Variants in PCDH15 observed in about 807,000 individuals in gnomAD.
PCDH15 encodes protocadherin-15.
PCDH15 carries 129 observed loss-of-function variants against 178.5 expected under a neutral mutation model. That is an observed-to-expected ratio of 0.72 (90% CI 0.63 to 0.84). The LOEUF is 0.84. Ranked by LOEUF, PCDH15 falls within the 40% of genes least tolerant of loss-of-function variation. The pLI is 0.00. For synonymous variants in PCDH15, 800 were observed against 732.0 expected (o/e 1.09, Z -1.50); for missense variants, 2,230 against 2,099.9 (o/e 1.06, Z -1.21).
intron 1 of PCDH15, among the ~76,000 whole-genome samples, chr10:54,759,197 A>T (rs544548177): frequency 1.3e-5 from 2 of 152,322 alleles, no homozygotes; most frequent in African/African-American, 4.8e-5. Flanking sequence ...TATAATAAAG[A>T]ATGTGACATG....
At chr10:54,265,869 C>T (rs934096638) in intron 8 of PCDH15, among the ~76,000 whole-genome samples, 10 of 151,822 alleles carry the variant, frequency 6.6e-5, no homozygotes, top group Non-Finnish European at 1.0e-4. Context: ...ATAGATTTAT[C>T]GAGGCAGAAA....
intron 3 of PCDH15, among the ~76,000 whole-genome samples, chr10:54,877,936 CTCTTTTT>C (rs1954177551): frequency 2.9e-5 from 3 of 104,322 alleles, no homozygotes; most frequent in Non-Finnish European, 4.0e-5. Flanking sequence ...CTCTCTCTCT[CTCTTTTT>C]TTTTTTTTTT....
At chr10:54,135,190 G>A (rs576944058) in intron 14 of PCDH15, among the ~76,000 whole-genome samples, 99 of 143,250 alleles carry the variant, frequency 6.9e-4, no homozygotes, top group South Asian at 2.5e-3. Context: ...GTGACAGGGC[G>A]AGACTCTGTC....
intron 2 of PCDH15, among the ~76,000 whole-genome samples, chr10:54,944,775 G>A (rs1209454384): frequency 6.6e-6 from 1 of 151,860 alleles, no homozygotes; most frequent in African/African-American, 2.4e-5. Flanking sequence ...TGTATATGTT[G>A]GGGAGAATAC....
intron 20 of PCDH15, among the ~76,000 whole-genome samples, chr10:54,011,231 C>T (rs527267633): frequency 1.3e-5 from 2 of 152,284 alleles, no homozygotes; most frequent in Middle Eastern, 3.4e-3. Context: ...CCCTTGCTGC[C>T]CTCAGACTGT....
At chr10:53,828,543 G>T in intron 31 of PCDH15, 22 bp downstream of exon 31, 1 of 1,542,294 alleles carries the variant, frequency 6.5e-7, no homozygotes. Flanking sequence ...AAAAGGATGT[G>T]TAAAATGTTA....
chr10:55,264,896 T>C (rs1842240511), intron 1 of PCDH15, among the ~76,000 whole-genome samples: 1 of 152,164 alleles, frequency 6.6e-6, no homozygotes, highest in Non-Finnish European at 1.5e-5. Flanking sequence ...AGGCTTTCTA[T>C]ACTTTGCAAG....
intron 2 of PCDH15, among the ~76,000 whole-genome samples, chr10:55,399,026 G>A (rs2256698): frequency 0.61 from 93,175 of 151,894 alleles, 29,568 homozygotes; most frequent in African/African-American, 0.75. Context: ...TCTATATGGC[G>A]CAATTACTCA....
chr10:55,605,177 T>C (rs376016379), intron 2 of PCDH15, among the ~76,000 whole-genome samples: 5 of 150,682 alleles, frequency 3.3e-5, no homozygotes, highest in Non-Finnish European at 3.0e-5. Flanking sequence ...ACACATACAC[T>C]CTCCCAAGAC....
chr10:54,829,717 C>T (rs1193181234), intron 3 of PCDH15, among the ~76,000 whole-genome samples: 1 of 151,956 alleles, frequency 6.6e-6, no homozygotes, highest in Admixed American at 6.6e-5. Context: ...TTGTCTAACT[C>T]AAAAAAGACA....
intron 2 of PCDH15, among the ~76,000 whole-genome samples, chr10:54,980,358 CT>C (rs558962063): frequency 6.6e-6 from 1 of 151,948 alleles, no homozygotes; most frequent in Admixed American, 6.6e-5. Flanking sequence ...AGTAAATACT[CT>C]TTTTTTAATT....
At chr10:54,842,494 T>C (rs990343463) in intron 3 of PCDH15, among the ~76,000 whole-genome samples, 1 of 151,916 alleles carries the variant, frequency 6.6e-6, no homozygotes, top group African/African-American at 2.4e-5. Context: ...TTAAATTCTA[T>C]AAGGAAATCA....
intron 2 of PCDH15, among the ~76,000 whole-genome samples, chr10:54,535,490 C>T (rs1029768738): frequency 6.6e-6 from 1 of 151,970 alleles, no homozygotes; most frequent in Non-Finnish European, 1.5e-5. Flanking sequence ...ACAGGCGGAT[C>T]ACAAGGTCAG....
At chr10:53,832,798 C>T (rs1363660741) in intron 29 of PCDH15, among the ~76,000 whole-genome samples, 2 of 151,798 alleles carry the variant, frequency 1.3e-5, no homozygotes, top group East Asian at 3.9e-4. Context: ...TCAGAGTGAC[C>T]ATGCTGATTT....
In PCDH15 at chr10:54,733,544, G is replaced by A. The variant is rs1358676507; in HGVS notation, c.-29+67381C>T. Among the ~76,000 whole-genome samples, 3 of 151,418 alleles carry A rather than the reference G, an allele frequency of 2.0e-5. No individual in the cohort carries two copies. The East Asian group carries it at 5.8e-4, about 29-fold the overall frequency. ...TAATGAGATAAATTATTCCCAAATT[G>A]ATTCTATACATTTCCAATTGAATTC... On this transcript the variant is annotated intron_variant, in intron 1 of 37. Transcript: ENST00000644397.
chr10:54,678,973 G>C (rs1309469331), intron 1 of PCDH15, among the ~76,000 whole-genome samples: 2 of 151,844 alleles, frequency 1.3e-5, no homozygotes, highest in Non-Finnish European at 2.9e-5. Flanking sequence ...GGCGGATCAC[G>C]AGGTCAGGAG....
chr10:53,806,478 C>CATGAT lies in PCDH15; in HGVS notation c.*96_*100dup, dbSNP rs560209920. Reference sequence around the variant, plus strand: ...ATTGTTCAAAGTTTTAGCTTGTGTGCATGATATAAATTCCATACATTGTTT... The same window carrying CATGAT: ...ATTGTTCAAAGTTTTAGCTTGTGTGCATGATATGATATAAATTCCATACATTGTTT... On this transcript the variant is annotated 3_prime_UTR_variant, in exon 38 of 38. Coordinates refer to ENST00000644397, the MANE Select transcript of PCDH15 (RefSeq NM_001384140.1). The CATGAT allele has an allele frequency of 3.0e-6, 3 of 1,006,202 alleles. No individual in the cohort carries two copies. The highest frequency in any genetic ancestry group is 3.6e-5 in the South Asian group (2 of 55,172). The allele number at this position is 1,006,202 out of a possible 1,614,324, so 62.3% of individuals were successfully genotyped here. A position where few individuals can be genotyped will look rare whatever the true frequency, so the allele number is the denominator to read the frequency against.
At chr10:54,509,008 T>G (rs2081406733) in intron 3 of PCDH15, among the ~76,000 whole-genome samples, 1 of 152,138 alleles carries the variant, frequency 6.6e-6, no homozygotes, top group South Asian at 2.1e-4. Context: ...TTGTGATATT[T>G]TTACATGAGG....
intron 25 of PCDH15, among the ~76,000 whole-genome samples, chr10:53,912,152 C>T (rs1230515769): frequency 6.6e-6 from 1 of 152,134 alleles, no homozygotes; most frequent in Admixed American, 6.6e-5. Context: ...ATACACAAAT[C>T]AATAAACGTA....
Sources: allele counts gnomAD v4.1 joint callset (sites outside exome capture counted in the v4.1 genomes callset), GRCh38; gene constraint gnomAD v4.1.1; transcripts MANE v1.5; gene names NCBI Gene and HGNC (gene_info 2026-07-23, HGNC 2026-07-21).